LAMA2: variants seen among roughly 807,000 people sequenced by gnomAD.
The protein encoded by LAMA2 is laminin subunit alpha-2.
In LAMA2, 269 loss-of-function variants were observed where a neutral mutation model predicts 364.8. The ratio of observed to expected loss-of-function variants is 0.74; its 90% confidence interval spans 0.67 to 0.82. The LOEUF (loss-of-function observed/expected upper bound fraction) is 0.82, where lower values mean the gene tolerates loss of function less well. Ranked by LOEUF, LAMA2 falls within the 40% of genes least tolerant of loss-of-function variation. LAMA2 has a pLI of 0.00. For synonymous variants in LAMA2, 1,379 were observed against 1,370.6 expected (o/e 1.01, Z -0.14); for missense variants, 3,807 against 3,873.2 (o/e 0.98, Z 0.45).
intron 2 of LAMA2, among the ~76,000 whole-genome samples, chr6:129,058,360 A>G (rs938570945): frequency 1.3e-5 from 2 of 152,210 alleles, no homozygotes; most frequent in Admixed American, 6.5e-5. Flanking sequence ...TGAGGATTGT[A>G]AGAAGGAAGG....
At chr6:129,400,463 A>T (rs1242591461) in intron 37 of LAMA2, among the ~76,000 whole-genome samples, 1 of 152,218 alleles carries the variant, frequency 6.6e-6, no homozygotes, top group African/African-American at 2.4e-5. Context: ...ATAGAAAAAA[A>T]CTATAAGTGG....
chr6:129,236,058 C>A (rs1278251851), intron 12 of LAMA2, among the ~76,000 whole-genome samples: 1 of 152,082 alleles, frequency 6.6e-6, no homozygotes, highest in Non-Finnish European at 1.5e-5. Context: ...TTTTTATTAT[C>A]ATTTAAGTCA....
chr6:129,248,082 C>T (rs1039217059), intron 12 of LAMA2, among the ~76,000 whole-genome samples: 2 of 152,130 alleles, frequency 1.3e-5, no homozygotes, highest in African/African-American at 4.8e-5. Flanking sequence ...CTGAGCTCTA[C>T]CGCCTGTCAG....
At chr6:128,916,677 G>A (rs1483917050) in intron 1 of LAMA2, among the ~76,000 whole-genome samples, 1 of 152,164 alleles carries the variant, frequency 6.6e-6, no homozygotes, top group Non-Finnish European at 1.5e-5. Context: ...GTGTTGATGT[G>A]GAGAAGCCAG....
rs143977296 is a variant in LAMA2, at chr6:129,222,022, A to C, written c.1783-28090A>C. 3.9e-5 allele frequency among the ~76,000 whole-genome samples: 6 copies of C among 152,322 alleles called. No individual in the cohort carries two copies. In the South Asian group the frequency reaches 8.3e-4, roughly 21 times the overall value. On this transcript the variant is annotated intron_variant, in intron 12 of 64. Transcript: ENST00000421865. ...TATTTGCTGAAATTATCTTTTTAAA[A>C]ATGTAAGAAAATAATATAAACACAA... is the stretch of plus-strand genomic sequence containing the variant.
intron 4 of LAMA2, among the ~76,000 whole-genome samples, chr6:129,141,612 T>A (rs1778127585): frequency 6.6e-6 from 1 of 152,086 alleles, no homozygotes; most frequent in Admixed American, 6.6e-5. Flanking sequence ...GGCAGTCAGT[T>A]TGTAAAAGGC....
At chr6:129,050,422 T>C (rs1396096030) in intron 2 of LAMA2, among the ~76,000 whole-genome samples, 1 of 152,178 alleles carries the variant, frequency 6.6e-6, no homozygotes, top group African/African-American at 2.4e-5. Context: ...TGCCAGATAT[T>C]GTGCCTGAGA....
intron 1 of LAMA2, among the ~76,000 whole-genome samples, chr6:128,927,036 C>T (rs558199516): frequency 2.0e-5 from 3 of 152,274 alleles, no homozygotes; most frequent in Admixed American, 6.5e-5. Context: ...CTGAGAGCTG[C>T]AGAACATAGA....
At position 129,419,082 on chromosome 6, in the gene LAMA2, C is replaced by T. The variant is rs116026138; in HGVS notation, c.5866-8670C>T. Among the ~76,000 whole-genome samples, 1,357 of 151,750 alleles carry T rather than the reference C, an allele frequency of 8.9e-3. 25 individuals are homozygous for T. Among genetic ancestry groups the T allele is most frequent in the African/African-American group, 0.031 (1,273 of 41,298 alleles). ...TTTTTTTTTTTGTACATGATACTCT[C>T]ATTTGGGTCAATAATTTTTTTAAAA... On this transcript the variant is annotated intron_variant, in intron 40 of 64. Transcript: ENST00000421865.
chr6:129,297,578 T>G (rs183523959), intron 20 of LAMA2, 107 bp from the exon 21 acceptor site: 4 of 1,011,374 alleles, frequency 4.0e-6, no homozygotes. Context: ...GGAATCCTGA[T>G]AACTCCTAAG....
At chr6:128,936,303 A>T (rs1779807434) in intron 1 of LAMA2, among the ~76,000 whole-genome samples, 1 of 152,250 alleles carries the variant, frequency 6.6e-6, no homozygotes, top group African/African-American at 2.4e-5. Flanking sequence ...GTATGACATC[A>T]GCTGTAGACT....
At chr6:129,032,152 T>G (rs1241686102) in intron 1 of LAMA2, among the ~76,000 whole-genome samples, 1 of 152,240 alleles carries the variant, frequency 6.6e-6, no homozygotes, top group Non-Finnish European at 1.5e-5. Context: ...AATCCCTTTA[T>G]GTGTCCAGCC....
chr6:128,888,841 T>G (rs1157219646), intron 1 of LAMA2, among the ~76,000 whole-genome samples: 1 of 152,242 alleles, frequency 6.6e-6, no homozygotes, highest in Non-Finnish European at 1.5e-5. Context: ...AAATCACAGG[T>G]TTTTTTGTCT....
chr6:128,909,153 C>T (rs1477933010), intron 1 of LAMA2, among the ~76,000 whole-genome samples: 2,668 of 150,456 alleles, frequency 0.018, 75 homozygotes, highest in African/African-American at 0.06. Flanking sequence ...CTATCAGGTC[C>T]GCTTGGTGCA....
At chr6:129,355,535 C>T (rs944071525) in intron 32 of LAMA2, among the ~76,000 whole-genome samples, 2 of 152,064 alleles carry the variant, frequency 1.3e-5, no homozygotes, top group Non-Finnish European at 2.9e-5. Flanking sequence ...AATGGATTCA[C>T]CTGGGGTGTT....
chr6:129,217,587 T>A (rs1233419404), intron 12 of LAMA2, among the ~76,000 whole-genome samples: 35 of 152,278 alleles, frequency 2.3e-4, no homozygotes, highest in Non-Finnish European at 1.5e-5. Context: ...GTCAGTAAAT[T>A]CAAATATTTT....
At chr6:129,511,244 C>T (rs773911950) in intron 62 of LAMA2, among the ~76,000 whole-genome samples, 6 of 152,100 alleles carry the variant, frequency 3.9e-5, no homozygotes, top group Non-Finnish European at 4.4e-5. Context: ...AGTTTTCCAG[C>T]GACCCAATCA....
intron 10 of LAMA2, among the ~76,000 whole-genome samples, chr6:129,179,240 T>C (rs1409230639): frequency 6.6e-6 from 1 of 152,092 alleles, no homozygotes; most frequent in Non-Finnish European, 1.5e-5. Flanking sequence ...TGCTTTATTC[T>C]CTTTTCAAAA....
At chr6:129,353,418 CA>C in intron 32 of LAMA2, 61 bp downstream of exon 32, 1 of 1,330,364 alleles carries the variant, frequency 7.5e-7, no homozygotes, top group Non-Finnish European at 1.1e-6. Context: ...GTCTCATTTC[CA>C]ATGAGAAAGA....
Sources: allele counts gnomAD v4.1 joint callset (sites outside exome capture counted in the v4.1 genomes callset), GRCh38; gene constraint gnomAD v4.1.1; transcripts MANE v1.5; gene names NCBI Gene and HGNC (gene_info 2026-07-23, HGNC 2026-07-21).